The following BABAM2 variants were observed in gnomAD, a reference collection of about 807,000 sequenced individuals.
BABAM2 encodes BRISC and BRCA1 A complex member 2.
BABAM2 carries 31 observed loss-of-function variants against 54.7 expected under a neutral mutation model. The observed-to-expected ratio is 0.57, with a 90% CI of 0.43 to 0.77. The LOEUF (loss-of-function observed/expected upper bound fraction) is 0.77. BABAM2 is among the 30% of genes least tolerant of loss of function. The pLI is 0.00. For synonymous variants in BABAM2, 167 were observed against 162.9 expected, an observed-to-expected ratio of 1.03 and a Z score of -0.19; for missense variants, 364 against 455.8, an observed-to-expected ratio of 0.80 and a Z score of 1.83.
intron 3 of BABAM2, among the ~76,000 whole-genome samples, chr2:27,970,710 C>CT (rs1031428631): frequency 5.3e-4 from 80 of 152,042 alleles, no homozygotes; most frequent in African/African-American, 1.9e-3. Context: ...ATCCTTTTAG[C>CT]TTTTTTTTCC....
chr2:27,890,365 C>T (rs1436133582), upstream of BABAM2: 4 of 1,609,400 alleles, frequency 2.5e-6, no homozygotes, highest in Non-Finnish European at 3.4e-6. The surrounding 1 kb of genome is among the most constrained non-coding windows in gnomAD (Gnocchi z 4.8). Flanking sequence ...GTGCTGCTGT[C>T]CAACCTGGAC....
At chr2:27,981,081 G>C (rs186175688) in intron 3 of BABAM2, among the ~76,000 whole-genome samples, 1 of 151,900 alleles carries the variant, frequency 6.6e-6, no homozygotes, top group Non-Finnish European at 1.5e-5. Flanking sequence ...TTATCCAGTC[G>C]TGTCCATTAA....
chr2:27,936,361 T>A (rs893394634), intron 3 of BABAM2, among the ~76,000 whole-genome samples: 4 of 152,338 alleles, frequency 2.6e-5, no homozygotes, highest in African/African-American at 9.6e-5. Flanking sequence ...GACTGTAAAC[T>A]AGTTCAACCA....
intron 7 of BABAM2, among the ~76,000 whole-genome samples, chr2:28,131,073 A>ATTTTTTTTTTTTT (rs1259022923): frequency 4.1e-4 from 3 of 7,316 alleles, no homozygotes; most frequent in Non-Finnish European, 1.2e-3. Context: ...TATTATTATT[A>ATTTTTTTTTTTTT]TTATTATTTT....
intron 3 of BABAM2, among the ~76,000 whole-genome samples, chr2:27,932,475 C>T (rs1249762882): frequency 6.6e-6 from 1 of 151,890 alleles, no homozygotes; most frequent in Non-Finnish European, 1.5e-5. Flanking sequence ...AAAAGGTATT[C>T]ATTTCTGTTT....
chr2:28,122,396 G>A (rs1669153892), intron 6 of BABAM2, among the ~76,000 whole-genome samples: 3 of 152,070 alleles, frequency 2.0e-5, no homozygotes, highest in Admixed American at 1.3e-4. Flanking sequence ...TTGAGCCCAG[G>A]TGTTTAAGGC....
chr2:28,302,369 A>G (rs1688176242), intron 11 of BABAM2, among the ~76,000 whole-genome samples: 1 of 151,638 alleles, frequency 6.6e-6, no homozygotes, highest in African/African-American at 2.4e-5. Flanking sequence ...GTGAGCCAAG[A>G]TCACACCACT....
chr2:28,141,639 C>T (rs1671071410), intron 7 of BABAM2, among the ~76,000 whole-genome samples: 1 of 152,024 alleles, frequency 6.6e-6, no homozygotes, highest in Non-Finnish European at 1.5e-5. Flanking sequence ...GTATTAAAAC[C>T]AGCACTTCAG....
intron 10 of BABAM2, among the ~76,000 whole-genome samples, chr2:28,264,555 T>C (rs566874866): frequency 1.3e-5 from 2 of 152,342 alleles, no homozygotes; most frequent in South Asian, 4.1e-4. Context: ...ATAGTCTTTG[T>C]TTTATGTTGG....
intron 3 of BABAM2, among the ~76,000 whole-genome samples, chr2:27,977,171 G>A (rs1179691337): frequency 1.3e-5 from 2 of 152,174 alleles, no homozygotes; most frequent in African/African-American, 4.8e-5. Context: ...CAGTTGACAA[G>A]TTCCTTGACA....
chr2:28,327,404 G>T (rs1244640954), intron 11 of BABAM2: 3 of 1,611,090 alleles, frequency 1.9e-6, no homozygotes, highest in Admixed American at 1.7e-5. Flanking sequence ...TCCTTGGAGG[G>T]CCTCAGAGGG....
At chr2:28,249,486 T>C (rs1016843752) in intron 10 of BABAM2, among the ~76,000 whole-genome samples, 3 of 152,180 alleles carry the variant, frequency 2.0e-5, no homozygotes, top group African/African-American at 4.8e-5. Context: ...AGACCTAAAA[T>C]ATTTGACCCT....
intron 10 of BABAM2, among the ~76,000 whole-genome samples, chr2:28,245,596 G>A (rs1415770500): frequency 6.6e-6 from 1 of 152,160 alleles, no homozygotes; most frequent in Non-Finnish European, 1.5e-5. Flanking sequence ...ATGGAGTCAG[G>A]TTCAAGTTGC....
intron 3 of BABAM2, among the ~76,000 whole-genome samples, chr2:27,965,106 C>T (rs1044452219): frequency 6.6e-6 from 1 of 152,172 alleles, no homozygotes; most frequent in Admixed American, 6.5e-5. Context: ...CCATATCCCT[C>T]TCTATGTCTG....
chr2:28,068,316 A>G (rs763811905), intron 6 of BABAM2, among the ~76,000 whole-genome samples: 7 of 152,194 alleles, frequency 4.6e-5, no homozygotes, highest in Admixed American at 6.5e-5. Context: ...TACAAGTTCT[A>G]ACAATCCTAA....
intron 10 of BABAM2, among the ~76,000 whole-genome samples, chr2:28,266,970 A>G (rs1685035319): frequency 6.6e-6 from 1 of 152,248 alleles, no homozygotes; most frequent in South Asian, 2.1e-4. Flanking sequence ...AGCCTGATCA[A>G]CATGGTGAAA....
chr2:28,183,547 G>T (rs1042187780), intron 7 of BABAM2, among the ~76,000 whole-genome samples: 1 of 152,138 alleles, frequency 6.6e-6, no homozygotes, highest in Non-Finnish European at 1.5e-5. Flanking sequence ...GACAGATGAT[G>T]GTGCCTGGGC....
chr2:28,069,857 G>A (rs986322747), intron 6 of BABAM2, among the ~76,000 whole-genome samples: 6 of 152,170 alleles, frequency 3.9e-5, no homozygotes, highest in African/African-American at 7.2e-5. Flanking sequence ...TCTTGTTACT[G>A]TGATTGTTAT....
At chr2:28,133,804 A>G (rs76410083) in intron 7 of BABAM2, among the ~76,000 whole-genome samples, 1,856 of 152,366 alleles carry the variant, frequency 0.012, 13 homozygotes, top group Non-Finnish European at 0.019. Context: ...AAATTAGACA[A>G]TCCTGACAAA....
Sources: allele counts gnomAD v4.1 joint callset (sites outside exome capture counted in the v4.1 genomes callset), GRCh38; gene constraint gnomAD v4.1.1; non-coding constraint Gnocchi (gnomAD v3.1); transcripts MANE v1.5; gene names NCBI Gene and HGNC (gene_info 2026-07-23, HGNC 2026-07-21).